SLC9C1: variants seen among roughly 807,000 people sequenced by gnomAD.
SLC9C1 encodes solute carrier family 9 member C1, also known as sodium/hydrogen exchanger 10.
Under a neutral mutation model 140.9 loss-of-function variants are expected in SLC9C1, and 97 were observed. The observed-to-expected ratio is 0.69, with a 90% CI of 0.58 to 0.82. The LOEUF is 0.82. Ranked by LOEUF, SLC9C1 falls within the 40% of genes least tolerant of loss-of-function variation. The pLI is 0.00. For missense variants in SLC9C1, 1,340 were observed against 1,389.3 expected (o/e 0.96, Z 0.56); for synonymous variants, 440 against 442.6 (o/e 0.99, Z 0.07).
chr3:112,220,061 T>C (rs2078498448), intron 14 of SLC9C1, among the ~76,000 whole-genome samples: 1 of 152,122 alleles, frequency 6.6e-6, no homozygotes, highest in African/African-American at 2.4e-5. Flanking sequence ...ACCTAAAGCA[T>C]TGGAAGTGCC....
intron 9 of SLC9C1, among the ~76,000 whole-genome samples, chr3:112,263,328 G>A (rs1239760143): frequency 6.6e-6 from 1 of 151,884 alleles, no homozygotes; most frequent in African/African-American, 2.4e-5. Flanking sequence ...GAGTAGCATA[G>A]TAAATTTACA....
At chr3:112,234,960 G>T (rs1476507944) in intron 12 of SLC9C1, among the ~76,000 whole-genome samples, 2 of 151,812 alleles carry the variant, frequency 1.3e-5, no homozygotes, top group Non-Finnish European at 2.9e-5. Context: ...AGCAATGTGG[G>T]CTCTTTTTTG....
rs760610151 is a variant in SLC9C1 at position 112,155,088 on chromosome 3, T to C, written c.3365-39A>G. 2.0e-6 allele frequency: 3 copies of C among 1,528,078 alleles called. No homozygotes were observed. In the South Asian group the frequency reaches 3.5e-5, roughly 18 times the overall value. The allele number at this position is 1,528,078 out of a possible 1,614,324, so 94.7% of individuals were successfully genotyped here. A position where few individuals can be genotyped will look rare whatever the true frequency, so the allele number is the denominator to read the frequency against. ...AAAAAAACAGTGTTAATTCAACCAC[T>C]GAAGCAAGTGACTATTTCTATTAGT... On this transcript the variant is annotated intron_variant, in intron 26 of 28. Transcript: ENST00000305815.
intron 12 of SLC9C1, among the ~76,000 whole-genome samples, chr3:112,233,979 C>T (rs917515847): frequency 2.6e-5 from 4 of 152,134 alleles, no homozygotes; most frequent in South Asian, 4.1e-4. Context: ...GTTTTATAAT[C>T]CTTTGGGTAT....
chr3:112,284,571 A>G (rs1032711048), intron 2 of SLC9C1, among the ~76,000 whole-genome samples: 45 of 152,356 alleles, frequency 3.0e-4, no homozygotes, highest in African/African-American at 9.9e-4. Flanking sequence ...GCAGTTCTAG[A>G]TATGTAGCCA....
rs376734941 is a variant in SLC9C1 at position 112,254,577 on chromosome 3, G to A, written c.1197+8347C>T. The stretch of plus-strand genomic sequence containing the variant: ...GGTTACCAACAGACTTGCCTTGCAA[G>A]AGATCTGGAAAAAAGCACTAAATAT... On this transcript the variant is annotated intron_variant, in intron 10 of 28. Coordinates refer to ENST00000305815, the MANE Select transcript of SLC9C1 (RefSeq NM_183061.3). Among the ~76,000 whole-genome samples, 153 of 152,154 alleles carry A rather than the reference G, an allele frequency of 1.0e-3. 3 individuals carry two copies. The East Asian group carries it at 0.013, about 13-fold the overall frequency.
At position 112,258,920 on chromosome 3, in the gene SLC9C1, G is replaced by A. The variant is rs553660347; in HGVS notation, c.1197+4004C>T. Reference sequence around the variant, plus strand: ...CACATGGCAGAGCAGGAGAGAGAGGGAGTCAAAGGGGAAGTGCTACACATT... The same window carrying A: ...CACATGGCAGAGCAGGAGAGAGAGGAAGTCAAAGGGGAAGTGCTACACATT... On this transcript the variant is annotated intron_variant, in intron 10 of 28. Transcript: ENST00000305815. 7.2e-5 allele frequency among the ~76,000 whole-genome samples: 11 copies of A among 152,032 alleles called. No homozygotes were observed. In the South Asian group the frequency reaches 2.1e-3, roughly 29 times the overall value.
chr3:112,147,168 T>C (rs1352209676), intron 28 of SLC9C1, among the ~76,000 whole-genome samples: 2 of 152,254 alleles, frequency 1.3e-5, no homozygotes, highest in African/African-American at 4.8e-5. Context: ...TCCAGCCCTT[T>C]ACTTTGAGCT....
At chr3:112,271,309 G>A (rs975866132) in intron 6 of SLC9C1, among the ~76,000 whole-genome samples, 2 of 150,380 alleles carry the variant, frequency 1.3e-5, no homozygotes, top group Non-Finnish European at 3.0e-5. Context: ...AAATAACTAA[G>A]AGAGTAAATT....
chr3:112,233,207 TA>T (rs1179548417), intron 12 of SLC9C1, among the ~76,000 whole-genome samples: 1 of 151,890 alleles, frequency 6.6e-6, no homozygotes, highest in East Asian at 1.9e-4. Flanking sequence ...TAGCGGGGAC[TA>T]CAGATGCACA....
chr3:112,151,332 C>G (rs1338836353), intron 28 of SLC9C1: 1 of 518,930 alleles, frequency 1.9e-6, no homozygotes, highest in South Asian at 1.4e-5. Flanking sequence ...TTTCTTTTAT[C>G]CTCTCTTGTG....
At chr3:112,186,106 T>G (rs2077534788) in intron 20 of SLC9C1, 2 of 780,548 alleles carry the variant, frequency 2.6e-6, no homozygotes, top group Non-Finnish European at 3.9e-6. Context: ...GTCTTGTTCT[T>G]ACTGATTTGT....
chr3:112,230,195 T>C (rs189392962), intron 13 of SLC9C1, among the ~76,000 whole-genome samples: 114 of 152,294 alleles, frequency 7.5e-4, no homozygotes, highest in Non-Finnish European at 1.4e-3. Context: ...TCCATTGTTT[T>C]ATATTGACTG....
At position 112,204,276 on chromosome 3, in the gene SLC9C1, G is replaced by A. The variant is rs4434123; in HGVS notation, c.2114C>T (p.Thr705Ile). ...IDTIKYIFNE[T>I]EVIVFIKVVQ... ...AACTTTTATAAAGACTATTACTTCA[G>A]TCTCATTAAAAATATACTTAATGGT... Residue 705 changes from threonine (T) to isoleucine (I), a missense_variant, in exon 17 of 29, where the codon ACT becomes ATT. By Grantham distance (89) the Thr-to-Ile change is moderately conservative. Coordinates refer to ENST00000305815, the MANE Select transcript of SLC9C1 (RefSeq NM_183061.3). 1,190,784 of 1,544,840 alleles carry A rather than the reference G, an allele frequency of 0.77. 462,372 individuals are homozygous for A. Among genetic ancestry groups the A allele is most frequent in the East Asian group, 0.99 (39,419 of 39,750 alleles).
chr3:112,266,100 T>G, intron 8 of SLC9C1, 138 bp downstream of exon 8: 1 of 629,930 alleles, frequency 1.6e-6, no homozygotes, highest in Non-Finnish European at 2.7e-6. Flanking sequence ...AAAAATAAAA[T>G]CTAGGAAAGG....
At chr3:112,278,611 C>T in intron 4 of SLC9C1, 118 bp downstream of exon 4, 3 of 1,071,364 alleles carry the variant, frequency 2.8e-6, no homozygotes, top group Non-Finnish European at 3.8e-6. Context: ...GAATTTATTA[C>T]TCCCATACCC....
In SLC9C1 at chr3:112,204,247, G is replaced by T; in HGVS notation, c.2143C>A (p.Gln715Lys). ...AAAATGCGTAGTATACGAAAAAATT[G>T]AACAACTTTTATAAAGACTATTACT... ...TEVIVFIKVV[Q>K]FFRILRIFKL... is the part of the protein sequence containing the mutation. The change falls in exon 17 of 29, where the codon CAA (glutamine) becomes AAA (lysine). Residue 715 changes from glutamine to lysine, a missense_variant. By Grantham distance (53) the Gln-to-Lys change is moderately conservative. Coordinates refer to ENST00000305815, the MANE Select transcript of SLC9C1 (RefSeq NM_183061.3). 8 of 1,504,968 alleles carry T rather than the reference G, an allele frequency of 5.3e-6. No homozygotes were observed. The highest frequency in any genetic ancestry group is 2.6e-5 in the East Asian group (1 of 37,858). 93.2% of individuals were successfully genotyped at this position (1,504,968 alleles called of 1,614,324 possible).
In SLC9C1 at chr3:112,221,192, G is replaced by C; in HGVS notation, c.1606C>G (p.Leu536Val). Residue 536 changes from leucine to valine, a missense_variant, in exon 14 of 29, where the codon CTG becomes GTG. Physicochemically the swap from Leu to Val is conservative, Grantham distance 32. Transcript: ENST00000305815. Reference protein sequence around the residue: ...SYQRQYRNEILSQSAVQVLVG... With the variant: ...SYQRQYRNEIVSQSAVQVLVG... The stretch of plus-strand genomic sequence containing the variant: ...AACACCTGGACAGCACTCTGGGACA[G>C]AATCTCATTCCTGTATTGTCTCTGG... 2 of 1,613,518 alleles carry C rather than the reference G, an allele frequency of 1.2e-6. No homozygotes were observed. Among genetic ancestry groups the C allele is most frequent in the Non-Finnish European group, 1.7e-6 (2 of 1,179,672 alleles).
At chr3:112,226,623 G>A (rs528506449) in intron 13 of SLC9C1, among the ~76,000 whole-genome samples, 2 of 152,222 alleles carry the variant, frequency 1.3e-5, no homozygotes, top group South Asian at 4.1e-4. Context: ...TCAGGAGGCT[G>A]ATGTAGGAGA....
Sources: allele counts gnomAD v4.1 joint callset (sites outside exome capture counted in the v4.1 genomes callset), GRCh38; gene constraint gnomAD v4.1.1; transcripts MANE v1.5; gene names NCBI Gene and HGNC (gene_info 2026-07-23, HGNC 2026-07-21).